The following CLCC1 variants were observed in gnomAD, a reference collection of about 807,000 sequenced individuals.
CLCC1 encodes the protein chloride channel CLIC-like protein 1.
A neutral mutation model predicts 63.3 loss-of-function variants in CLCC1; 39 were observed. The observed-to-expected ratio is 0.62, with a 90% CI of 0.48 to 0.81. The LOEUF (loss-of-function observed/expected upper bound fraction) is 0.81. Ranked by LOEUF, CLCC1 falls within the 30% of genes least tolerant of loss-of-function variation. The probability of loss-of-function intolerance (pLI) is 0.00; values close to 1 mark genes in which losing one functional copy is unlikely to be tolerated. For missense variants in CLCC1, 549 were observed against 669.4 expected (o/e 0.82, Z 1.98); for synonymous variants, 217 against 239.8 (o/e 0.90, Z 0.88).
chr1:108,960,554 A>G (rs960355720), intron 2 of CLCC1, among the ~76,000 whole-genome samples: 4 of 152,192 alleles, frequency 2.6e-5, no homozygotes, highest in African/African-American at 9.7e-5. Context: ...AGGCTCCAAG[A>G]TGGGAGTGCA....
At position 108,943,479 on chromosome 1, in the gene CLCC1, T is replaced by C. The variant is rs534835123; in HGVS notation, c.698A>G (p.Tyr233Cys). ...AACCCTCCATCCATATAATACCTTA[T>C]ATAAATACATCCAATTCCATCCCAA... ...FSLGWNWMYL[Y>C]KLAFAQHQAE... Residue 233 changes from tyrosine to cysteine, a missense_variant, in exon 7 of 13, where the codon TAT becomes TGT. Coordinates refer to ENST00000369969, the MANE Select transcript of CLCC1 (RefSeq NM_001377458.1). The C allele has an allele frequency of 1.2e-6, 2 of 1,613,520 alleles. No homozygotes were observed. The highest frequency in any genetic ancestry group is 1.7e-5 in the Admixed American group (1 of 59,910).
chr1:108,950,343 T>C lies in CLCC1; in HGVS notation c.95A>G (p.Tyr32Cys). ...TCTCATTGTTCCTGAAGCAGCATCA[T>C]AGTTAAGCATGTCTGTGGGGTCAAT... ...DWIDPTDMLN[Y>C]DAASGTMRKS... The change falls in exon 3 of 13, where the codon TAT becomes TGT. Residue 32 changes from tyrosine to cysteine, a missense_variant. Coordinates refer to ENST00000369969, the MANE Select transcript of CLCC1 (RefSeq NM_001377458.1). 1.2e-6 allele frequency: 2 copies of C among 1,613,274 alleles called. No homozygotes were observed. The highest frequency in any genetic ancestry group is 1.7e-6 in the Non-Finnish European group (2 of 1,179,616).
intron 4 of CLCC1, among the ~76,000 whole-genome samples, chr1:108,949,296 T>C (rs561198625): frequency 6.6e-6 from 1 of 152,320 alleles, no homozygotes; most frequent in Non-Finnish European, 1.5e-5. Context: ...CCACAGCACA[T>C]AACGACTACA....
At chr1:108,954,508 CA>C (rs1480921766) in intron 2 of CLCC1, among the ~76,000 whole-genome samples, 1 of 150,822 alleles carries the variant, frequency 6.6e-6, no homozygotes, top group East Asian at 1.9e-4. Flanking sequence ...TCAAAAACAA[CA>C]ACAACCACCA....
At chr1:108,950,514 T>TATG (rs1167425820) in intron 2 of CLCC1, 66 bp from the exon 3 acceptor site, 9 of 654,994 alleles carry the variant, frequency 1.4e-5, no homozygotes, top group African/African-American at 1.2e-4. Flanking sequence ...GGTTTTGGGT[T>TATG]ATTATTATTA....
At chr1:108,950,960 A>G (rs1026918302) in intron 2 of CLCC1, among the ~76,000 whole-genome samples, 8 of 152,256 alleles carry the variant, frequency 5.3e-5, no homozygotes, top group African/African-American at 1.9e-4. Flanking sequence ...GCTCACTGAT[A>G]TAAGAAAATA....
At chr1:108,951,226 C>T (rs1213438706) in intron 2 of CLCC1, among the ~76,000 whole-genome samples, 1 of 151,884 alleles carries the variant, frequency 6.6e-6, no homozygotes, top group Non-Finnish European at 1.5e-5. Context: ...AAAAAATAAC[C>T]AAAAAATTAG....
At chr1:108,957,087 C>T (rs971423608) in intron 2 of CLCC1, among the ~76,000 whole-genome samples, 1 of 151,378 alleles carries the variant, frequency 6.6e-6, no homozygotes, top group Admixed American at 6.6e-5. Context: ...GATCTGTAGT[C>T]ATCCACTTCA....
At chr1:108,940,326 A>G (rs1653681308) in intron 8 of CLCC1, among the ~76,000 whole-genome samples, 184 bp from the exon 9 acceptor site, 1 of 152,244 alleles carries the variant, frequency 6.6e-6, no homozygotes. Context: ...GTCCAAAATC[A>G]TGTTTTAAAA....
intron 2 of CLCC1, among the ~76,000 whole-genome samples, chr1:108,954,817 C>CGTGTGTGTGT (rs58482013): frequency 0.023 from 3,165 of 140,556 alleles, 102 homozygotes; most frequent in African/African-American, 0.048. Flanking sequence ...ACTGTCTTTG[C>CGTGTGTGTGT]GTGTGTGTGT....
intron 1 of CLCC1, 103 bp downstream of exon 1, chr1:108,963,258 G>T (rs1656906407): frequency 3.2e-6 from 2 of 630,554 alleles, no homozygotes; most frequent in Non-Finnish European, 5.8e-6. Flanking sequence ...CGCGCCTGCG[G>T]CCTCCCCAGC....
At chr1:108,944,424 A>G (rs982701837) in intron 5 of CLCC1, among the ~76,000 whole-genome samples, 12 of 152,082 alleles carry the variant, frequency 7.9e-5, no homozygotes, top group Non-Finnish European at 1.6e-4. Flanking sequence ...AGCTATGAGC[A>G]TACCACTGCA....
In CLCC1 at chr1:108,937,076, C is replaced by G; in HGVS notation, c.1383+1G>C. 4 of 1,489,232 alleles carry G rather than the reference C, an allele frequency of 2.7e-6. No homozygotes were observed. The highest frequency in any genetic ancestry group is 1.8e-4 in the Middle Eastern group (1 of 5,420). The allele number at this position is 1,489,232 out of a possible 1,614,324, so 92.3% of individuals were successfully genotyped here. On this transcript the variant is annotated splice_donor_variant, in intron 11 of 12. Transcript: ENST00000369969. LOFTEE classifies it high-confidence loss of function. ...GCAGAATAAAAGAGTTGCTGACTTACACTGGGTACCACCGTGGGATGCTCT... is the reference window on the plus strand; with the variant it reads ...GCAGAATAAAAGAGTTGCTGACTTAGACTGGGTACCACCGTGGGATGCTCT...
Position 108,929,804 on chromosome 1 carries a change from GAA to G in CLCC1, c.*2741_*2742del. 6.2e-7 allele frequency: 1 copy of G among 1,614,096 alleles called. No homozygotes were observed. The highest frequency in any genetic ancestry group is 8.5e-7 in the Non-Finnish European group (1 of 1,179,990). On this transcript the variant is annotated 3_prime_UTR_variant, in exon 13 of 13. Transcript: ENST00000369969. ...TTCAGCCTTATTTTACGGTCCCAGG[GAA>G]AGAGAATGGATGAACAGAGAGTTCT...
chr1:108,949,089 A>G (rs1432991634), intron 4 of CLCC1, among the ~76,000 whole-genome samples: 4 of 151,992 alleles, frequency 2.6e-5, no homozygotes, highest in Admixed American at 1.3e-4. Context: ...ACATTTGCCT[A>G]TTCTACCTCA....
Position 108,929,851 on chromosome 1 carries a change from A to G in CLCC1, c.*2696T>C, listed in dbSNP as rs140026774. ...AGTTCTTTTACAAAGAGATCAAAACAGAGACACTGACTTTGGGCTAAAGGA... is the reference window on the plus strand; with the variant it reads ...AGTTCTTTTACAAAGAGATCAAAACGGAGACACTGACTTTGGGCTAAAGGA... On this transcript the variant is annotated 3_prime_UTR_variant, in exon 13 of 13. Transcript: ENST00000369969. The G allele has an allele frequency of 1.2e-6, 2 of 1,613,816 alleles. No homozygotes were observed. The highest frequency in any genetic ancestry group is 1.7e-6 in the Non-Finnish European group (2 of 1,179,794).
In CLCC1 at chr1:108,931,447, C is replaced by G. The variant is rs1651957992; in HGVS notation, c.*1100G>C. The G allele has an allele frequency of 1.3e-6, 2 of 1,550,842 alleles. No homozygotes were observed. Among genetic ancestry groups the G allele is most frequent in the Middle Eastern group, 1.7e-4 (1 of 5,994 alleles). On this transcript the variant is annotated 3_prime_UTR_variant, in exon 13 of 13. Coordinates refer to ENST00000369969, the MANE Select transcript of CLCC1 (RefSeq NM_001377458.1). ...AAAGGCCCACGCTTGGAACAAGTTGCCAACTTGTTTCACTCTGCTTGCTTC... is the reference window on the plus strand; with the variant it reads ...AAAGGCCCACGCTTGGAACAAGTTGGCAACTTGTTTCACTCTGCTTGCTTC...
chr1:108,942,795 AAAAT>A (rs1654006883), intron 7 of CLCC1, among the ~76,000 whole-genome samples: 1 of 152,254 alleles, frequency 6.6e-6, no homozygotes, highest in African/African-American at 2.4e-5. Flanking sequence ...ACTTATTCAA[AAAAT>A]AACCTAATTT....
At chr1:108,959,136 T>TGG (rs748957356) in intron 2 of CLCC1, among the ~76,000 whole-genome samples, 7 of 152,288 alleles carry the variant, frequency 4.6e-5, no homozygotes, top group Non-Finnish European at 8.8e-5. Context: ...ATCACGCCAT[T>TGG]GCACTCCAGC....
Sources: gnomAD v4.1 joint callset for allele counts (sites outside exome capture counted in the v4.1 genomes callset) on GRCh38, gnomAD v4.1.1 for gene constraint, MANE v1.5 for transcripts, NCBI Gene and HGNC (gene_info 2026-07-23, HGNC 2026-07-21) for gene names.